Variants in SPRED1 observed in about 807,000 individuals in gnomAD.
The protein encoded by SPRED1 is sprouty-related, EVH1 domain-containing protein 1.
SPRED1 carries 18 observed loss-of-function variants against 52.3 expected under a neutral mutation model. The observed-to-expected ratio is 0.34, with a 90% CI of 0.24 to 0.51. The LOEUF is 0.51. SPRED1 is among the 20% of genes least tolerant of loss of function. The pLI is 0.97. For missense variants in SPRED1, 485 were observed against 551.0 expected, an observed-to-expected ratio of 0.88 and a Z score of 1.20; for synonymous variants, 155 against 179.7, an observed-to-expected ratio of 0.86 and a Z score of 1.10.
chr15:38,331,302 C>G (rs1048398899), intron 4 of SPRED1, among the ~76,000 whole-genome samples: 3 of 151,972 alleles, frequency 2.0e-5, no homozygotes, highest in Non-Finnish European at 4.4e-5. Context: ...AGAGGTCATG[C>G]CAGTGTATTT....
At chr15:38,320,681 T>C (rs1895583721) in intron 2 of SPRED1, among the ~76,000 whole-genome samples, 1 of 152,170 alleles carries the variant, frequency 6.6e-6, no homozygotes, top group African/African-American at 2.4e-5. Context: ...GCATTTATTA[T>C]GTGTCATGTG....
rs532527469 is a variant in SPRED1 at position 38,329,960 on chromosome 15, A to ATAT, written c.423+5153_423+5155dup. Among the ~76,000 whole-genome samples, 6 of 152,290 alleles carry ATAT rather than the reference A, an allele frequency of 3.9e-5. No individual in the cohort carries two copies. The East Asian group carries it at 1.2e-3, about 29-fold the overall frequency. ...ACAATTTAATCATTCACGTCATTGAATATTTCCCACAGCATTTTGCATACA... is the reference window on the plus strand; with the variant it reads ...ACAATTTAATCATTCACGTCATTGAATATTATTTCCCACAGCATTTTGCATACA... On this transcript the variant is annotated intron_variant, in intron 4 of 6. Coordinates refer to ENST00000299084, the MANE Select transcript of SPRED1 (RefSeq NM_152594.3).
rs575369836 is a variant in SPRED1 at position 38,330,331 on chromosome 15, C to T, written c.423+5522C>T. Among the ~76,000 whole-genome samples, 8 of 152,214 alleles carry T rather than the reference C, an allele frequency of 5.3e-5. No individual in the cohort carries two copies. The South Asian group carries it at 1.7e-3, about 32-fold the overall frequency. On this transcript the variant is annotated intron_variant, in intron 4 of 6. Coordinates refer to ENST00000299084, the MANE Select transcript of SPRED1 (RefSeq NM_152594.3). ...GTGTTCAGGTTGCTTAAAGAAAATG[C>T]TATATGCTGTTAATGTTTCCAGTCA...
rs530541798 is a variant in SPRED1 at position 38,351,847 on chromosome 15, A to G, written c.*183A>G. On this transcript the variant is annotated 3_prime_UTR_variant, in exon 7 of 7. Coordinates refer to ENST00000299084, the MANE Select transcript of SPRED1 (RefSeq NM_152594.3). Reference sequence around the variant, plus strand: ...CATGCCTAACTTTTCCCTTGAGTGCATGGCATGTTTTGTTACAGGTTGTAG... The same window carrying G: ...CATGCCTAACTTTTCCCTTGAGTGCGTGGCATGTTTTGTTACAGGTTGTAG... 2.9e-6 allele frequency: 2 copies of G among 701,456 alleles called. No homozygotes were observed. Among genetic ancestry groups the G allele is most frequent in the Non-Finnish European group, 4.7e-6 (2 of 421,502 alleles). 43.5% of individuals were successfully genotyped at this position (701,456 alleles called of 1,614,324 possible).
chr15:38,351,125 A>G lies in SPRED1; in HGVS notation c.796A>G (p.Met266Val), dbSNP rs1340143366. ...CTATGCAGACTACAGACATCCTGAC[A>G]TGTGGAAAAATGACTTGGAAAGAGA... ...RRYADYRHPD[M>V]WKNDLERDDA... The change falls in exon 7 of 7, where the codon ATG becomes GTG. Residue 266 changes from methionine (M) to valine (V), a missense_variant. Transcript: ENST00000299084. The G allele has an allele frequency of 2.5e-6, 4 of 1,614,126 alleles. No homozygotes were observed. In the South Asian group the frequency reaches 4.4e-5, roughly 18 times the overall value.
chr15:38,350,912 G>T, intron 6 of SPRED1, 102 bp from the exon 7 acceptor site: 2 of 1,197,434 alleles, frequency 1.7e-6, no homozygotes, highest in South Asian at 2.6e-5. Flanking sequence ...GAAATGTCCA[G>T]AATAATATTT....
chr15:38,254,741 G>C (rs1294672707), intron 1 of SPRED1, among the ~76,000 whole-genome samples: 3 of 152,192 alleles, frequency 2.0e-5, no homozygotes, highest in Non-Finnish European at 2.9e-5. Flanking sequence ...CTGGGATCAC[G>C]TGATCGCCTC....
At chr15:38,321,561 G>A (rs1028269774) in intron 2 of SPRED1, among the ~76,000 whole-genome samples, 5 of 152,022 alleles carry the variant, frequency 3.3e-5, no homozygotes, top group African/African-American at 4.8e-5. Flanking sequence ...ATATAAATAC[G>A]TCTTTTAAGA....
At chr15:38,331,058 T>A (rs1324600224) in intron 4 of SPRED1, among the ~76,000 whole-genome samples, 1 of 152,104 alleles carries the variant, frequency 6.6e-6, no homozygotes, top group Admixed American at 6.6e-5. Flanking sequence ...TCCTTTTGCC[T>A]CCACACACAA....
At chr15:38,327,362 C>CT (rs1236006793) in intron 4 of SPRED1, among the ~76,000 whole-genome samples, 2 of 152,164 alleles carry the variant, frequency 1.3e-5, no homozygotes, top group Non-Finnish European at 2.9e-5. Flanking sequence ...TCATTGGAGT[C>CT]TAATTCCCCT....
intron 1 of SPRED1, among the ~76,000 whole-genome samples, chr15:38,271,275 G>C (rs1458548224): frequency 1.3e-5 from 2 of 152,148 alleles, no homozygotes; most frequent in Non-Finnish European, 2.9e-5. Context: ...ATATTTTAGT[G>C]GTAATTAAAT....
intron 4 of SPRED1, among the ~76,000 whole-genome samples, chr15:38,336,148 A>G (rs1895908685): frequency 6.6e-6 from 1 of 151,832 alleles, no homozygotes; most frequent in African/African-American, 2.4e-5. Flanking sequence ...CCTGATTTCA[A>G]ATGACAACAC....
In SPRED1 at chr15:38,299,366, A is replaced by G. The variant is rs760850290; in HGVS notation, c.33-7A>G. 23 of 1,613,638 alleles carry G rather than the reference A, an allele frequency of 1.4e-5. 1 individual carries two copies. The highest frequency in any genetic ancestry group is 2.2e-5 in the South Asian group (2 of 91,072). ...AAGCTAATTCCTGATCTTTGCATCT[A>G]TTTTAGTAATAGTTATGCACGAGTG... On this transcript the variant is annotated splice_region_variant and splice_polypyrimidine_tract_variant and intron_variant, in intron 1 of 6. Transcript: ENST00000299084.
intron 2 of SPRED1, among the ~76,000 whole-genome samples, chr15:38,307,461 G>A (rs1895272828): frequency 6.6e-6 from 1 of 152,156 alleles, no homozygotes; most frequent in Non-Finnish European, 1.5e-5. Flanking sequence ...TCTAGAGAAA[G>A]AGCTCTGGTG....
intron 2 of SPRED1, among the ~76,000 whole-genome samples, chr15:38,316,930 A>G (rs1895499733): frequency 6.6e-6 from 1 of 151,546 alleles, no homozygotes; most frequent in Admixed American, 6.6e-5. Context: ...TTTTGGCATC[A>G]TATTCTTTAT....
In SPRED1 at chr15:38,352,946, A is replaced by G. The variant is rs1226384729; in HGVS notation, c.*1282A>G. On this transcript the variant is annotated 3_prime_UTR_variant, in exon 7 of 7. Transcript: ENST00000299084. ...AAATTTATTTCTTTTGCAGAGCATT[A>G]TATTACTGGATGTTTAATTTACAAA... 1 of 152,146 alleles carries G rather than the reference A, an allele frequency of 6.6e-6. No homozygotes were observed. The highest frequency in any genetic ancestry group is 1.5e-5 in the Non-Finnish European group (1 of 67,938). The allele number at this position is 152,146 out of a possible 1,614,324, so 9.4% of individuals were successfully genotyped here. A position where few individuals can be genotyped will look rare whatever the true frequency, so the allele number is the denominator to read the frequency against.
intron 4 of SPRED1, among the ~76,000 whole-genome samples, chr15:38,327,616 A>G (rs769822708): frequency 3.9e-5 from 6 of 152,226 alleles, no homozygotes; most frequent in Non-Finnish European, 7.3e-5. Context: ...GGAGCCTTCT[A>G]GCAACAACCA....
chr15:38,345,106 A>T (rs970532272), intron 5 of SPRED1, among the ~76,000 whole-genome samples: 1 of 152,216 alleles, frequency 6.6e-6, no homozygotes, highest in African/African-American at 2.4e-5. Context: ...GCCTCACAGG[A>T]TGAGTTTTTC....
At chr15:38,327,070 T>A (rs1380810373) in intron 4 of SPRED1, among the ~76,000 whole-genome samples, 1 of 152,178 alleles carries the variant, frequency 6.6e-6, no homozygotes, top group East Asian at 1.9e-4. Flanking sequence ...GCAGGTAATT[T>A]GTCTCTTAAG....
Sources: gnomAD v4.1 joint callset for allele counts (sites outside exome capture counted in the v4.1 genomes callset) on GRCh38, gnomAD v4.1.1 for gene constraint, MANE v1.5 for transcripts, NCBI Gene and HGNC (gene_info 2026-07-23, HGNC 2026-07-21) for gene names.